The following DPP10 variants were observed in gnomAD, a reference collection of about 807,000 sequenced individuals.
DPP10 encodes dipeptidyl peptidase like 10.
DPP10 carries 33 observed loss-of-function variants against 120.9 expected under a neutral mutation model. The observed-to-expected ratio is 0.27, with a 90% CI of 0.21 to 0.37. The LOEUF (loss-of-function observed/expected upper bound fraction) is 0.37. Ranked by LOEUF, DPP10 falls within the 10% of genes least tolerant of loss-of-function variation. DPP10 has a pLI of 1.00. For synonymous variants in DPP10, 337 were observed against 326.1 expected (o/e 1.03, Z -0.36); for missense variants, 816 against 942.8 (o/e 0.87, Z 1.76).
intron 3 of DPP10, among the ~76,000 whole-genome samples, chr2:115,365,189 A>G (rs1317059551): frequency 6.6e-6 from 1 of 152,094 alleles, no homozygotes; most frequent in East Asian, 1.9e-4. Context: ...TCCTGGAACT[A>G]GACAGACTGT....
chr2:115,603,142 G>GTA (rs1558911708), intron 5 of DPP10, among the ~76,000 whole-genome samples: 9 of 142,456 alleles, frequency 6.3e-5, no homozygotes, highest in Non-Finnish European at 9.8e-5. Flanking sequence ...GTGTGTGTGT[G>GTA]TGTGTGTGTG....
intron 1 of DPP10, among the ~76,000 whole-genome samples, chr2:114,575,131 C>T (rs1689958275): frequency 6.6e-6 from 1 of 151,908 alleles, no homozygotes; most frequent in Admixed American, 6.6e-5. Flanking sequence ...TTTGATGACG[C>T]TGAAAATGGA....
chr2:115,338,681 G>C (rs1488362231), intron 2 of DPP10, among the ~76,000 whole-genome samples: 1 of 152,044 alleles, frequency 6.6e-6, no homozygotes, highest in African/African-American at 2.4e-5. Flanking sequence ...TTAAACAAAT[G>C]CTTTTCAAAA....
At chr2:115,174,618 A>G (rs955996356) in intron 1 of DPP10, among the ~76,000 whole-genome samples, 1 of 152,228 alleles carries the variant, frequency 6.6e-6, no homozygotes, top group African/African-American at 2.4e-5. Flanking sequence ...AAATTCTATA[A>G]TCATATGTCG....
At chr2:115,082,325 G>A (rs772827951) in intron 1 of DPP10, among the ~76,000 whole-genome samples, 2 of 152,204 alleles carry the variant, frequency 1.3e-5, no homozygotes, top group East Asian at 3.9e-4. Flanking sequence ...AGGTAGCCAG[G>A]CTTCGTGCTC....
At position 115,661,094 on chromosome 2, in the gene DPP10, T is replaced by C. The variant is rs901457798; in HGVS notation, c.442-28593T>C. ...CCTCCCGAGTAGCTGGGATTACAGG[T>C]GCCCACCACCCCACCCAGCTAATTT... On this transcript the variant is annotated intron_variant, in intron 5 of 25. Transcript: ENST00000410059. Among the ~76,000 whole-genome samples the C allele has an allele frequency of 3.3e-5, 5 of 151,916 alleles. 1 individual carries two copies. Among genetic ancestry groups the C allele is most frequent in the Admixed American group, 3.3e-4 (5 of 15,240 alleles).
intron 21 of DPP10, among the ~76,000 whole-genome samples, chr2:115,831,288 G>A (rs1414798568): frequency 6.6e-6 from 1 of 151,738 alleles, no homozygotes; most frequent in Non-Finnish European, 1.5e-5. Context: ...TTACTCAGTC[G>A]CCCAGGCTGG....
intron 2 of DPP10, among the ~76,000 whole-genome samples, chr2:115,321,015 C>A (rs554864141): frequency 6.6e-6 from 1 of 152,210 alleles, no homozygotes; most frequent in East Asian, 1.9e-4. Flanking sequence ...AAGCTCTGTT[C>A]TTGGCTGGGA....
chr2:115,682,182 G>A (rs1000756304), intron 5 of DPP10, among the ~76,000 whole-genome samples: 8 of 151,894 alleles, frequency 5.3e-5, no homozygotes, highest in African/African-American at 1.9e-4. Flanking sequence ...AAAATCGCTT[G>A]TACTACTTTC....
intron 1 of DPP10, among the ~76,000 whole-genome samples, chr2:114,601,587 G>T (rs2105229310): frequency 6.6e-6 from 1 of 152,018 alleles, no homozygotes; most frequent in Admixed American, 6.6e-5. Context: ...TACATTGAAA[G>T]ACAGCCAATA....
intron 1 of DPP10, among the ~76,000 whole-genome samples, chr2:114,831,511 T>C (rs964977844): frequency 6.6e-6 from 1 of 152,176 alleles, no homozygotes; most frequent in Non-Finnish European, 1.5e-5. Flanking sequence ...AGAAGAGTGA[T>C]CCCAGTTTTA....
At chr2:114,465,220 C>T (rs1558782010) in intron 1 of DPP10, among the ~76,000 whole-genome samples, 1 of 152,180 alleles carries the variant, frequency 6.6e-6, no homozygotes, top group Non-Finnish European at 1.5e-5. Context: ...ATATCGTCCA[C>T]GTGTCTTAGG....
At chr2:115,389,192 A>G (rs2067156735) in intron 3 of DPP10, among the ~76,000 whole-genome samples, 1 of 152,072 alleles carries the variant, frequency 6.6e-6, no homozygotes, top group Non-Finnish European at 1.5e-5. Flanking sequence ...AAATGTTGAC[A>G]GAACAAACAA....
intron 1 of DPP10, among the ~76,000 whole-genome samples, chr2:115,092,190 C>G (rs1317809148): frequency 1.3e-5 from 2 of 152,174 alleles, no homozygotes; most frequent in Non-Finnish European, 2.9e-5. Context: ...CTCTGTTTGA[C>G]TCCAATGACT....
At chr2:115,734,418 G>C in intron 8 of DPP10, among the ~76,000 whole-genome samples, 1 of 152,040 alleles carries the variant, frequency 6.6e-6, no homozygotes, top group South Asian at 2.1e-4. Flanking sequence ...AGCACTGGGA[G>C]GCCGAGGTGG....
intron 4 of DPP10, among the ~76,000 whole-genome samples, chr2:115,522,974 A>G (rs1470696031): frequency 6.6e-6 from 1 of 152,190 alleles, no homozygotes; most frequent in Non-Finnish European, 1.5e-5. Flanking sequence ...TAATAACATT[A>G]AAGGCATACA....
chr2:115,376,555 TTTA>T (rs990816445), intron 3 of DPP10, among the ~76,000 whole-genome samples: 122 of 151,614 alleles, frequency 8.0e-4, no homozygotes, highest in African/African-American at 2.7e-3. Flanking sequence ...ATTTTATTTA[TTTA>T]TTATTATTAT....
chr2:114,492,635 A>T (rs1682106511), intron 1 of DPP10, among the ~76,000 whole-genome samples: 1 of 152,158 alleles, frequency 6.6e-6, no homozygotes, highest in Admixed American at 6.6e-5. Flanking sequence ...TTTTTATTTA[A>T]TATAAAACTA....
At chr2:114,773,480 A>C (rs1370391222) in intron 1 of DPP10, among the ~76,000 whole-genome samples, 2 of 150,554 alleles carry the variant, frequency 1.3e-5, no homozygotes, top group Non-Finnish European at 2.9e-5. Context: ...ACAAATTATA[A>C]CTCAACAGGC....
Sources: gnomAD v4.1 joint callset for allele counts (sites outside exome capture counted in the v4.1 genomes callset) on GRCh38, gnomAD v4.1.1 for gene constraint, MANE v1.5 for transcripts, NCBI Gene and HGNC (gene_info 2026-07-23, HGNC 2026-07-21) for gene names.